The following TENM3 variants were observed in gnomAD, a reference collection of about 807,000 sequenced individuals.
The protein encoded by TENM3 is teneurin-3.
In TENM3, 63 loss-of-function variants were observed where a neutral mutation model predicts 255.1. That is an observed-to-expected ratio of 0.25 (90% CI 0.20 to 0.30). The LOEUF is 0.30. Among genes scored for constraint, TENM3 ranks in the 10% least tolerant of loss-of-function variants. The pLI is 1.00. For synonymous variants in TENM3, 1,306 were observed against 1,322.3 expected, an observed-to-expected ratio of 0.99 and a Z score of 0.27; for missense variants, 2,929 against 3,461.1, an observed-to-expected ratio of 0.85 and a Z score of 3.86.
chr4:182,022,777 C>A, the TENM3 span, among the ~76,000 whole-genome samples: 1 of 151,958 alleles, frequency 6.6e-6, no homozygotes. Context: ...TCTTAAATAC[C>A]AAACAACATC....
the TENM3 span, among the ~76,000 whole-genome samples, chr4:182,009,510 A>G: frequency 1.3e-5 from 2 of 152,152 alleles, no homozygotes; most frequent in South Asian, 4.1e-4. Flanking sequence ...CTGGCCACAG[A>G]CTGCCACAGC....
At chr4:182,335,283 G>A (rs1037967686) in intron 2 of TENM3, among the ~76,000 whole-genome samples, 10 of 128,636 alleles carry the variant, frequency 7.8e-5, no homozygotes, top group African/African-American at 2.9e-4. Context: ...CGGATCACGA[G>A]GTCAGGAGAT....
the TENM3 span, among the ~76,000 whole-genome samples, chr4:182,074,413 C>T: frequency 1.3e-5 from 2 of 152,138 alleles, no homozygotes; most frequent in African/African-American, 4.8e-5. Flanking sequence ...AGAGTCAAAA[C>T]GCATTGAAAC....
intron 2 of TENM3, among the ~76,000 whole-genome samples, chr4:182,324,665 C>T (rs915260691): frequency 6.6e-6 from 1 of 152,200 alleles, no homozygotes; most frequent in African/African-American, 2.4e-5. Flanking sequence ...AGAAACCCAT[C>T]TTTCCCTCAC....
intron 1 of TENM3, among the ~76,000 whole-genome samples, chr4:182,222,644 C>T (rs555018055): frequency 6.6e-6 from 1 of 152,240 alleles, no homozygotes; most frequent in Middle Eastern, 3.2e-3. Context: ...CGTGCATCAT[C>T]ATAAGCTGGC....
intron 4 of TENM3, among the ~76,000 whole-genome samples, chr4:182,608,437 A>G (rs543282246): frequency 4.9e-4 from 74 of 152,160 alleles, no homozygotes; most frequent in African/African-American, 1.6e-3. Context: ...CTTAATATTT[A>G]ATTATTAGCA....
chr4:182,689,121 A>G (rs1020130028), intron 12 of TENM3, among the ~76,000 whole-genome samples: 4 of 152,216 alleles, frequency 2.6e-5, no homozygotes, highest in African/African-American at 9.6e-5. Flanking sequence ...TAAAAGTACA[A>G]CAAAAGTAAG....
chr4:181,605,561 A>AGG, the TENM3 span, among the ~76,000 whole-genome samples: 17 of 30,056 alleles, frequency 5.7e-4, no homozygotes, highest in African/African-American at 1.1e-3. Context: ...AAAGAAAGAA[A>AGG]GAAAGAAAGA....
intron 1 of TENM3, among the ~76,000 whole-genome samples, chr4:182,160,908 C>G (rs1333047632): frequency 8.8e-6 from 1 of 113,236 alleles, no homozygotes; most frequent in South Asian, 2.4e-4. Context: ...GTAATGTATA[C>G]ATGTGGATTG....
the TENM3 span, among the ~76,000 whole-genome samples, chr4:181,662,602 T>C: frequency 6.6e-6 from 1 of 152,224 alleles, no homozygotes; most frequent in African/African-American, 2.4e-5. Context: ...GGACATTGTG[T>C]CACGATTTTA....
chr4:182,756,374 T>C (rs4621478), intron 22 of TENM3, among the ~76,000 whole-genome samples: 150,418 of 152,280 alleles, frequency 0.99, 74,316 homozygotes, highest in East Asian at 1. Context: ...AGTCACATCT[T>C]GGGAGTCACT....
the TENM3 span, among the ~76,000 whole-genome samples, chr4:181,935,691 G>C: frequency 6.6e-6 from 1 of 152,062 alleles, no homozygotes; most frequent in Non-Finnish European, 1.5e-5. Flanking sequence ...GCCTTTACCA[G>C]GCCTTCCAAA....
intron 1 of TENM3, among the ~76,000 whole-genome samples, chr4:182,263,020 G>C (rs975487125): frequency 6.6e-6 from 1 of 151,974 alleles, no homozygotes. Flanking sequence ...CTGTGGACTC[G>C]CCCTGAATTC....
the TENM3 span, among the ~76,000 whole-genome samples, chr4:181,501,365 CT>C: frequency 6.6e-6 from 1 of 151,294 alleles, no homozygotes; most frequent in Non-Finnish European, 1.5e-5. Context: ...GGGTTTTTTT[CT>C]TTTTTCTTTC....
chr4:181,979,987 G>C, the TENM3 span, among the ~76,000 whole-genome samples: 1 of 152,286 alleles, frequency 6.6e-6, no homozygotes, highest in Middle Eastern at 3.4e-3. Flanking sequence ...TCTCAACTGG[G>C]CCTAGAAGCC....
chr4:181,617,812 A>ATT, the TENM3 span, among the ~76,000 whole-genome samples: 1 of 152,192 alleles, frequency 6.6e-6, no homozygotes, highest in East Asian at 1.9e-4. Flanking sequence ...ATACCCTACA[A>ATT]CTTCGCATTA....
At chr4:181,601,591 A>T in the TENM3 span, among the ~76,000 whole-genome samples, 5 of 152,228 alleles carry the variant, frequency 3.3e-5, no homozygotes, top group South Asian at 2.1e-4. Flanking sequence ...ACTTTGGAAA[A>T]CACTTTACTC....
intron 3 of TENM3, among the ~76,000 whole-genome samples, chr4:182,448,541 T>A (rs1773129257): frequency 6.6e-6 from 1 of 152,080 alleles, no homozygotes; most frequent in Admixed American, 6.5e-5. Context: ...GTTCATGGGT[T>A]GGGAGAGAGA....
chr4:182,444,334 T>C (rs1772731884), intron 3 of TENM3, among the ~76,000 whole-genome samples: 1 of 152,220 alleles, frequency 6.6e-6, no homozygotes, highest in South Asian at 2.1e-4. Flanking sequence ...TACAATTTTA[T>C]TCACAGGATC....
Sources: gnomAD v4.1 joint callset for allele counts (sites outside exome capture counted in the v4.1 genomes callset) on GRCh38, gnomAD v4.1.1 for gene constraint, MANE v1.5 for transcripts, NCBI Gene and HGNC (gene_info 2026-07-23, HGNC 2026-07-21) for gene names.